Variants in HOMER1 observed in about 807,000 individuals in gnomAD.
HOMER1 encodes the protein homer scaffold protein 1, also known as homer protein homolog 1.
A neutral mutation model predicts 48.9 loss-of-function variants in HOMER1; 3 were observed. The observed-to-expected ratio is 0.06, with a 90% confidence interval of 0.03 to 0.16. The LOEUF (loss-of-function observed/expected upper bound fraction) is 0.16, where lower values mean the gene tolerates loss of function less well. Ranked by LOEUF, HOMER1 falls within the 10% of genes least tolerant of loss-of-function variation. HOMER1 has a pLI of 1.00. For missense variants in HOMER1, 247 were observed against 411.4 expected (o/e 0.60, Z 3.46); for synonymous variants, 134 against 146.4 (o/e 0.92, Z 0.61).
chr5:79,452,034 G>A (rs761426912), intron 2 of HOMER1, among the ~76,000 whole-genome samples: 36 of 152,026 alleles, frequency 2.4e-4, no homozygotes, highest in Non-Finnish European at 4.1e-4. Context: ...TTGGTTCCGG[G>A]ACCCCTATGT....
At chr5:79,438,246 T>C (rs997221253) in intron 5 of HOMER1, among the ~76,000 whole-genome samples, 3 of 152,182 alleles carry the variant, frequency 2.0e-5, no homozygotes, top group African/African-American at 7.2e-5. Context: ...GTGAAAAGTT[T>C]CCAAAGAAGG....
intron 5 of HOMER1, among the ~76,000 whole-genome samples, chr5:79,431,653 G>A (rs1434430319): frequency 6.6e-6 from 1 of 152,060 alleles, no homozygotes; most frequent in Non-Finnish European, 1.5e-5. Flanking sequence ...ATAAAGCTGA[G>A]ATATAATAAA....
chr5:79,482,459 C>T (rs770580454), intron 1 of HOMER1, among the ~76,000 whole-genome samples: 135 of 151,740 alleles, frequency 8.9e-4, no homozygotes, highest in Middle Eastern at 3.4e-3. Flanking sequence ...TACACTTGAA[C>T]GTATTAAAAA....
intron 1 of HOMER1, among the ~76,000 whole-genome samples, chr5:79,505,225 C>A (rs1168822400): frequency 6.6e-6 from 1 of 151,962 alleles, no homozygotes; most frequent in Non-Finnish European, 1.5e-5. Context: ...TGCCACTTCA[C>A]TCCAGCCTGG....
intron 5 of HOMER1, among the ~76,000 whole-genome samples, chr5:79,411,428 TGA>T (rs2112234227): frequency 6.6e-6 from 1 of 152,176 alleles, no homozygotes; most frequent in South Asian, 2.1e-4. Context: ...ATGGCTGCAG[TGA>T]GTCAAGATGG....
At chr5:79,431,826 A>C (rs1430711405) in intron 5 of HOMER1, among the ~76,000 whole-genome samples, 1 of 152,340 alleles carries the variant, frequency 6.6e-6, no homozygotes, top group Non-Finnish European at 1.5e-5. Flanking sequence ...CAGTCCCTGG[A>C]GAATGACCAC....
chr5:79,509,870 A>C (rs142896891), intron 1 of HOMER1, among the ~76,000 whole-genome samples: 2 of 152,304 alleles, frequency 1.3e-5, no homozygotes, highest in East Asian at 3.9e-4. Flanking sequence ...TTATAACCTA[A>C]CATTAGTTTA....
intron 6 of HOMER1, 39 bp from the exon 7 acceptor site, chr5:79,397,676 A>C: frequency 2.4e-6 from 3 of 1,243,184 alleles, no homozygotes; most frequent in Non-Finnish European, 3.5e-6. Flanking sequence ...TTAAATTTCA[A>C]CTTTAAAGAG....
At chr5:79,502,628 A>G (rs1225966852) in intron 1 of HOMER1, among the ~76,000 whole-genome samples, 1 of 152,210 alleles carries the variant, frequency 6.6e-6, no homozygotes, top group Admixed American at 6.5e-5. Context: ...CTAATTGACC[A>G]CTGTACCATC....
At chr5:79,379,194 TAA>T (rs1748877758) in intron 8 of HOMER1, among the ~76,000 whole-genome samples, 1 of 91,334 alleles carries the variant, frequency 1.1e-5, no homozygotes, top group East Asian at 2.5e-4. Context: ...TATATATCTA[TAA>T]TATATATTAT....
At chr5:79,474,175 C>A (rs1339230614) in intron 1 of HOMER1, among the ~76,000 whole-genome samples, 1 of 147,842 alleles carries the variant, frequency 6.8e-6, no homozygotes, top group African/African-American at 2.5e-5. Context: ...GTAGCTGGGA[C>A]TAAAGGTGTG....
chr5:79,380,911 G>A (rs951873650), intron 8 of HOMER1, among the ~76,000 whole-genome samples: 2 of 151,860 alleles, frequency 1.3e-5, no homozygotes, highest in Non-Finnish European at 2.9e-5. Context: ...ACACCAGCAT[G>A]CACTGCACGG....
chr5:79,469,307 T>C (rs1751558278), intron 1 of HOMER1, among the ~76,000 whole-genome samples: 1 of 152,210 alleles, frequency 6.6e-6, no homozygotes, highest in South Asian at 2.1e-4. Flanking sequence ...AAACTAGACG[T>C]CAAAAATAAC....
chr5:79,499,733 A>T (rs1006406398), intron 1 of HOMER1, among the ~76,000 whole-genome samples: 1 of 152,254 alleles, frequency 6.6e-6, no homozygotes, highest in Non-Finnish European at 1.5e-5. Context: ...ATACACGTAA[A>T]GATGCAGTAT....
chr5:79,509,884 AAAG>A (rs1005619510), intron 1 of HOMER1, among the ~76,000 whole-genome samples: 2 of 152,224 alleles, frequency 1.3e-5, no homozygotes, highest in East Asian at 1.9e-4. Flanking sequence ...TAGTTTAAAA[AAAG>A]AAGGTTGTAA....
rs574165997 is a variant in HOMER1, at chr5:79,429,891, C to T, written c.527+9119G>A. On this transcript the variant is annotated intron_variant, in intron 5 of 8. Coordinates refer to ENST00000334082, the MANE Select transcript of HOMER1 (RefSeq NM_004272.5). ...TTAAAAAATTAGCTAGGCATGGCGG[C>T]GGGCGCCTGTAGTCCCAGCTACTCG... Among the ~76,000 whole-genome samples, 11 of 151,878 alleles carry T rather than the reference C, an allele frequency of 7.2e-5. No homozygotes were observed. The East Asian group carries it at 1.6e-3, about 21-fold the overall frequency.
At position 79,451,113 on chromosome 5, in the gene HOMER1, T is replaced by A; in HGVS notation, c.171A>T (p.Ile57=). The A allele has an allele frequency of 6.2e-7, 1 of 1,611,402 alleles. No homozygotes were observed. The highest frequency in any genetic ancestry group is 1.1e-5 in the South Asian group (1 of 90,750). ...IISLDGSKAI[I]NSTITPNMTF... ...TCATGTTTGGGGTGATGGTACTATT[T>A]ATTATTGCCTAAAAAATAAAGCAAG... The change falls in exon 3 of 9, where the codon ATA becomes ATT. Residue 57 remains isoleucine (I), a synonymous_variant. Transcript: ENST00000334082.
At position 79,439,040 on chromosome 5, in the gene HOMER1, G is replaced by T; in HGVS notation, c.497C>A (p.Pro166Gln). 6.2e-7 allele frequency: 1 copy of T among 1,613,734 alleles called. No homozygotes were observed. The change falls in exon 5 of 9, where the codon CCA becomes CAA. Residue 166 changes from proline (P) to glutamine (Q), a missense_variant. Physicochemically the swap from Pro to Gln is moderately conservative, Grantham distance 76. Coordinates refer to ENST00000334082, the MANE Select transcript of HOMER1 (RefSeq NM_004272.5). ...TGAAAATGGCAATGCATTCTGAGTT[G>T]GTTCAGCCCTTGGCTCTGAGTTCTG... The part of the protein sequence containing the change: ...VTQNSEPRAE[P>Q]TQNALPFSHS...
At chr5:79,433,100 T>C (rs7719054) in intron 5 of HOMER1, among the ~76,000 whole-genome samples, 38,552 of 152,080 alleles carry the variant, frequency 0.25, 5,998 homozygotes, top group East Asian at 0.75. Flanking sequence ...CAAAAGTTAT[T>C]CCCAGAAATT....
Sources: gnomAD v4.1 joint callset for allele counts (sites outside exome capture counted in the v4.1 genomes callset) on GRCh38, gnomAD v4.1.1 for gene constraint, MANE v1.5 for transcripts, NCBI Gene and HGNC (gene_info 2026-07-23, HGNC 2026-07-21) for gene names.